The following PLCXD3 variants were observed in gnomAD, a reference collection of about 807,000 sequenced individuals.
PLCXD3 encodes the protein PI-PLC X domain-containing protein 3.
Under a neutral mutation model 25.5 loss-of-function variants are expected in PLCXD3, and 19 were observed. The ratio of observed to expected loss-of-function variants is 0.75; its 90% CI spans 0.52 to 1.09. The LOEUF (loss-of-function observed/expected upper bound fraction) is 1.09. Ranked by LOEUF, PLCXD3 falls within the 50% of genes least tolerant of loss-of-function variation. The probability of loss-of-function intolerance (pLI) is 0.00; values close to 1 mark genes in which losing one functional copy is unlikely to be tolerated. For synonymous variants in PLCXD3, 174 were observed against 137.6 expected (o/e 1.26, Z -1.85); for missense variants, 411 against 388.1 (o/e 1.06, Z -0.50).
At chr5:41,433,683 T>C (rs1747169306) in intron 1 of PLCXD3, among the ~76,000 whole-genome samples, 2 of 152,150 alleles carry the variant, frequency 1.3e-5, no homozygotes, top group African/African-American at 2.4e-5. Flanking sequence ...AATCAGGAAA[T>C]AAAATGCTCA....
At chr5:41,354,761 A>G (rs563939511) in intron 2 of PLCXD3, among the ~76,000 whole-genome samples, 1 of 152,330 alleles carries the variant, frequency 6.6e-6, no homozygotes, top group Admixed American at 6.5e-5. Context: ...AACTGTAGAT[A>G]GAGTGATTTG....
At chr5:41,430,667 T>G (rs540640466) in intron 1 of PLCXD3, among the ~76,000 whole-genome samples, 2 of 152,274 alleles carry the variant, frequency 1.3e-5, no homozygotes, top group African/African-American at 4.8e-5. Context: ...CCAGGGAACT[T>G]ATTATTTAGT....
intron 1 of PLCXD3, among the ~76,000 whole-genome samples, chr5:41,407,698 A>G (rs1746393271): frequency 6.6e-6 from 1 of 152,206 alleles, no homozygotes; most frequent in Non-Finnish European, 1.5e-5. Flanking sequence ...GTAACTTAAT[A>G]TGTGTATTTC....
chr5:41,330,897 C>A (rs543487688), intron 2 of PLCXD3, among the ~76,000 whole-genome samples: 120 of 152,214 alleles, frequency 7.9e-4, no homozygotes, highest in African/African-American at 2.5e-3. Flanking sequence ...ATTCAACAAC[C>A]CTTCATGCTA....
chr5:41,408,871 C>T (rs1746433631), intron 1 of PLCXD3, among the ~76,000 whole-genome samples: 1 of 152,038 alleles, frequency 6.6e-6, no homozygotes, highest in Admixed American at 6.6e-5. Context: ...TCAAGGATGA[C>T]TAAATAATAA....
At chr5:41,338,941 G>T (rs111342189) in intron 2 of PLCXD3, among the ~76,000 whole-genome samples, 1 of 151,946 alleles carries the variant, frequency 6.6e-6, no homozygotes, top group African/African-American at 2.4e-5. Context: ...GAGTATTTCC[G>T]CCCTCATTCT....
At chr5:41,396,644 C>T (rs765642476) in intron 1 of PLCXD3, among the ~76,000 whole-genome samples, 3 of 152,062 alleles carry the variant, frequency 2.0e-5, no homozygotes, top group Non-Finnish European at 2.9e-5. Context: ...CAGAAGAAGA[C>T]AGGAAAATGA....
At chr5:41,345,705 C>G (rs1447877999) in intron 2 of PLCXD3, among the ~76,000 whole-genome samples, 1 of 151,920 alleles carries the variant, frequency 6.6e-6, no homozygotes, top group Non-Finnish European at 1.5e-5. Context: ...CACACACACA[C>G]ACACACACAC....
At chr5:41,385,722 CA>C (rs1297190609) in intron 1 of PLCXD3, among the ~76,000 whole-genome samples, 6 of 152,042 alleles carry the variant, frequency 3.9e-5, no homozygotes, top group African/African-American at 1.4e-4. Flanking sequence ...GATTAGGTTA[CA>C]AAAGGTTATA....
intron 1 of PLCXD3, among the ~76,000 whole-genome samples, chr5:41,488,266 T>C (rs1402683843): frequency 2.1e-5 from 3 of 144,546 alleles, no homozygotes; most frequent in African/African-American, 7.8e-5. Context: ...ACTCATCATT[T>C]TTTATGGCTG....
intron 2 of PLCXD3, among the ~76,000 whole-genome samples, chr5:41,360,710 C>T (rs1744746732): frequency 6.6e-6 from 1 of 152,176 alleles, no homozygotes; most frequent in Admixed American, 6.5e-5. Context: ...TGATGTGATC[C>T]ATCTTCAGGT....
chr5:41,418,312 A>T (rs1428589329), intron 1 of PLCXD3, among the ~76,000 whole-genome samples: 1 of 152,188 alleles, frequency 6.6e-6, no homozygotes, highest in Non-Finnish European at 1.5e-5. Context: ...GGCTTCAAAG[A>T]CTTTTTTCTT....
chr5:41,455,843 C>T (rs893855117), intron 1 of PLCXD3, among the ~76,000 whole-genome samples: 13 of 151,930 alleles, frequency 8.6e-5, no homozygotes, highest in Admixed American at 7.2e-4. Context: ...CAGGAAGCTG[C>T]AGTTCTCCTA....
chr5:41,434,556 G>A (rs949125582), intron 1 of PLCXD3, among the ~76,000 whole-genome samples: 1 of 152,156 alleles, frequency 6.6e-6, no homozygotes, highest in Non-Finnish European at 1.5e-5. Flanking sequence ...ATTGGTATAG[G>A]AGCCCTGAAT....
At chr5:41,376,722 C>A (rs1487187206) in intron 2 of PLCXD3, among the ~76,000 whole-genome samples, 1 of 152,072 alleles carries the variant, frequency 6.6e-6, no homozygotes, top group East Asian at 1.9e-4. Flanking sequence ...ATCTTTAATT[C>A]TCCTGTTTCT....
At chr5:41,447,511 G>T (rs925728988) in intron 1 of PLCXD3, among the ~76,000 whole-genome samples, 1 of 152,168 alleles carries the variant, frequency 6.6e-6, no homozygotes, top group Non-Finnish European at 1.5e-5. Context: ...TGTTCAGAGA[G>T]ACAGAACCAG....
At chr5:41,332,285 A>G (rs1283114486) in intron 2 of PLCXD3, among the ~76,000 whole-genome samples, 1 of 152,190 alleles carries the variant, frequency 6.6e-6, no homozygotes, top group Non-Finnish European at 1.5e-5. Flanking sequence ...TGGGCAAAGG[A>G]CATGAACAGA....
intron 2 of PLCXD3, among the ~76,000 whole-genome samples, chr5:41,326,861 G>A (rs1743642254): frequency 6.6e-6 from 1 of 151,938 alleles, no homozygotes; most frequent in Non-Finnish European, 1.5e-5. Flanking sequence ...CACTCCCTAG[G>A]ATCCAAAGGG....
chr5:41,431,692 G>A (rs973185836), intron 1 of PLCXD3, among the ~76,000 whole-genome samples: 7 of 152,116 alleles, frequency 4.6e-5, no homozygotes, highest in African/African-American at 9.7e-5. Context: ...GATTAAATGT[G>A]GAGTATTTTA....
Sources: allele counts gnomAD v4.1 joint callset (sites outside exome capture counted in the v4.1 genomes callset), GRCh38; gene constraint gnomAD v4.1.1; transcripts MANE v1.5; gene names NCBI Gene and HGNC (gene_info 2026-07-23, HGNC 2026-07-21).